The following PDE3A variants were observed in gnomAD, a reference collection of about 807,000 sequenced individuals.
PDE3A encodes cGMP-inhibited 3',5'-cyclic phosphodiesterase 3A.
PDE3A carries 43 observed loss-of-function variants against 98.3 expected under a neutral mutation model. That is an observed-to-expected ratio of 0.44 (90% confidence interval 0.34 to 0.56). The LOEUF is 0.56. Among genes scored for constraint, PDE3A ranks in the 20% least tolerant of loss-of-function variants. The pLI is 0.01. For synonymous variants in PDE3A, 663 were observed against 567.9 expected (o/e 1.17, Z -2.38); for missense variants, 1,427 against 1,440.7 (o/e 0.99, Z 0.15).
chr12:20,661,846 G>A (rs1177069968), intron 15 of PDE3A, among the ~76,000 whole-genome samples: 12 of 152,188 alleles, frequency 7.9e-5, no homozygotes, highest in Non-Finnish European at 1.6e-4. Context: ...GGGAAATGTA[G>A]GGTCAGAGCT....
chr12:20,413,943 C>A (rs982442707), intron 1 of PDE3A, among the ~76,000 whole-genome samples: 2 of 151,934 alleles, frequency 1.3e-5, no homozygotes. Flanking sequence ...GCTGTAAATT[C>A]GATTTGATTT....
chr12:20,626,870 T>A (rs1199593986), intron 5 of PDE3A, among the ~76,000 whole-genome samples: 1 of 152,170 alleles, frequency 6.6e-6, no homozygotes, highest in African/African-American at 2.4e-5. Context: ...CTTACAGGTT[T>A]ATTTTAAATT....
chr12:20,425,480 C>T (rs1481298098), intron 1 of PDE3A, among the ~76,000 whole-genome samples: 1 of 152,000 alleles, frequency 6.6e-6, no homozygotes, highest in African/African-American at 2.4e-5. Flanking sequence ...TTTATGTATG[C>T]ATTTTTGTAT....
At chr12:20,551,668 C>A in intron 1 of PDE3A, 1 of 1,604,830 alleles carries the variant, frequency 6.2e-7, no homozygotes. Context: ...CTGCCTGGAC[C>A]CGCCCCTCAG....
At chr12:20,648,501 G>T (rs574079280) in intron 12 of PDE3A, among the ~76,000 whole-genome samples, 187 bp from the exon 13 acceptor site, 2 of 151,968 alleles carry the variant, frequency 1.3e-5, no homozygotes, top group Non-Finnish European at 2.9e-5. Context: ...TACAAAAAGT[G>T]GAAATTTAAC....
chr12:20,505,498 T>C (rs1017344927), intron 1 of PDE3A, among the ~76,000 whole-genome samples: 3 of 152,136 alleles, frequency 2.0e-5, no homozygotes, highest in Non-Finnish European at 4.4e-5. Context: ...TCTTTTGTAC[T>C]GAAGTGTTTT....
At chr12:20,411,753 C>T (rs1040948412) in intron 1 of PDE3A, among the ~76,000 whole-genome samples, 2 of 152,068 alleles carry the variant, frequency 1.3e-5, no homozygotes, top group Non-Finnish European at 2.9e-5. Context: ...TGTAGAGGTC[C>T]GAGATAACCC....
At chr12:20,470,700 C>T (rs886308016) in intron 1 of PDE3A, among the ~76,000 whole-genome samples, 6 of 152,058 alleles carry the variant, frequency 3.9e-5, no homozygotes, top group South Asian at 2.1e-4. Context: ...TCTGTATGCA[C>T]GAATCTTGAA....
At chr12:20,640,245 A>T (rs1183564690) in intron 10 of PDE3A, among the ~76,000 whole-genome samples, 1 of 152,150 alleles carries the variant, frequency 6.6e-6, no homozygotes, top group Non-Finnish European at 1.5e-5. Context: ...AGGATCAAAT[A>T]AGATTATAAT....
intron 1 of PDE3A, among the ~76,000 whole-genome samples, chr12:20,482,517 C>T (rs1035958917): frequency 6.6e-6 from 1 of 152,150 alleles, no homozygotes; most frequent in African/African-American, 2.4e-5. Context: ...AACATTGAAG[C>T]CCAGCTATAC....
At chr12:20,410,081 TC>T (rs1470399510) in intron 1 of PDE3A, among the ~76,000 whole-genome samples, 1 of 152,210 alleles carries the variant, frequency 6.6e-6, no homozygotes, top group African/African-American at 2.4e-5. Context: ...AGTCTTGCTG[TC>T]CCCAGGCTAA....
intron 1 of PDE3A, among the ~76,000 whole-genome samples, chr12:20,485,944 C>T (rs1053942725): frequency 1.6e-4 from 24 of 152,100 alleles, no homozygotes; most frequent in Admixed American, 1.4e-3. Flanking sequence ...AGACTAAGGA[C>T]CTTACTTCAC....
At chr12:20,452,310 A>G (rs1178263688) in intron 1 of PDE3A, among the ~76,000 whole-genome samples, 2 of 152,130 alleles carry the variant, frequency 1.3e-5, no homozygotes, top group African/African-American at 2.4e-5. Context: ...AAACAAAATA[A>G]TTTTTTAGAA....
chr12:20,485,267 CT>C (rs536044114), intron 1 of PDE3A, among the ~76,000 whole-genome samples: 75 of 152,108 alleles, frequency 4.9e-4, no homozygotes, highest in Admixed American at 9.2e-4. Context: ...TAATGGCATT[CT>C]TCCCATGCCT....
intron 1 of PDE3A, among the ~76,000 whole-genome samples, chr12:20,394,901 C>G (rs868788137): frequency 2.0e-5 from 3 of 151,898 alleles, no homozygotes; most frequent in Non-Finnish European, 4.4e-5. Context: ...GAGGACAACT[C>G]CCTATAAGAA....
At chr12:20,484,042 T>C (rs1422892771) in intron 1 of PDE3A, among the ~76,000 whole-genome samples, 1 of 152,168 alleles carries the variant, frequency 6.6e-6, no homozygotes, top group Non-Finnish European at 1.5e-5. Flanking sequence ...TTTGTTTTTG[T>C]TTTTTCTTTA....
chr12:20,377,299 AC>A (rs996484377), intron 1 of PDE3A, among the ~76,000 whole-genome samples: 4 of 151,858 alleles, frequency 2.6e-5, no homozygotes, highest in African/African-American at 4.8e-5. Flanking sequence ...GGCCATACAC[AC>A]CCAAGAAACA....
intron 15 of PDE3A, among the ~76,000 whole-genome samples, chr12:20,658,806 G>C (rs926438770): frequency 6.6e-6 from 1 of 151,992 alleles, no homozygotes; most frequent in Admixed American, 6.6e-5. Flanking sequence ...AAGCTAATTA[G>C]AGGCTGGGAG....
chr12:20,556,975 C>T, intron 2 of PDE3A: 1 of 424,360 alleles, frequency 2.4e-6, no homozygotes, highest in Non-Finnish European at 4.2e-6. Flanking sequence ...CTTGTCTCGG[C>T]AGAATACATT....
Sources: allele counts gnomAD v4.1 joint callset (sites outside exome capture counted in the v4.1 genomes callset), GRCh38; gene constraint gnomAD v4.1.1; transcripts MANE v1.5; gene names NCBI Gene and HGNC (gene_info 2026-07-23, HGNC 2026-07-21).